DPH7: variants seen among roughly 807,000 people sequenced by gnomAD.
DPH7 encodes the protein diphthamide biosynthesis 7, also known as diphthine methyltransferase.
Under a neutral mutation model 41.7 loss-of-function variants are expected in DPH7, and 44 were observed. That is an observed-to-expected ratio of 1.05 (90% confidence interval 0.83 to 1.36). The LOEUF (loss-of-function observed/expected upper bound fraction) is 1.36, where lower values mean the gene tolerates loss of function less well. DPH7 is among the 40% of genes most tolerant of loss of function. The pLI is 0.00. For synonymous variants in DPH7, 275 were observed against 238.0 expected, an observed-to-expected ratio of 1.16 and a Z score of -1.43; for missense variants, 629 against 577.5, an observed-to-expected ratio of 1.09 and a Z score of -0.91.
At chr9:137,572,332 C>A (rs545743612) in intron 5 of DPH7, among the ~76,000 whole-genome samples, 2 of 152,198 alleles carry the variant, frequency 1.3e-5, no homozygotes, top group East Asian at 1.9e-4. Flanking sequence ...GAGAAGCAGG[C>A]GTGGACCAGA....
intron 5 of DPH7, among the ~76,000 whole-genome samples, chr9:137,572,072 C>T (rs1840528314): frequency 6.6e-6 from 1 of 152,160 alleles, no homozygotes; most frequent in Non-Finnish European, 1.5e-5. Context: ...AATAAGAACG[C>T]CGCCTTACAC....
At chr9:137,563,130 G>A (rs912964339) in intron 8 of DPH7, among the ~76,000 whole-genome samples, 7 of 152,072 alleles carry the variant, frequency 4.6e-5, no homozygotes, top group African/African-American at 7.2e-5. Context: ...GGGTGACAGA[G>A]CAAGACACCA....
At chr9:137,574,629 G>T in intron 4 of DPH7, 123 bp downstream of exon 4, 1 of 972,778 alleles carries the variant, frequency 1.0e-6, no homozygotes, top group Non-Finnish European at 1.6e-6. Flanking sequence ...GACTGGCAGT[G>T]ATGATGTCAG....
intron 8 of DPH7, 78 bp downstream of exon 8, chr9:137,564,356 G>GGCTTC: frequency 2.6e-6 from 4 of 1,520,774 alleles, no homozygotes; most frequent in Non-Finnish European, 3.6e-6. Context: ...AGGGAGCTGA[G>GGCTTC]GGAAGAGCCC....
At position 137,556,893 on chromosome 9, in the gene DPH7, G is replaced by A. The variant is rs550955369; in HGVS notation, c.950-1245C>T. 5.7e-5 allele frequency: 26 copies of A among 456,626 alleles called. No individual in the cohort carries two copies. The highest frequency in any genetic ancestry group is 3.4e-4 in the South Asian group (22 of 64,564). 28.3% of individuals were successfully genotyped at this position (456,626 alleles called of 1,614,324 possible). ...GGAAAAAGACAGCGAATGAGTGGAC[G>A]GAAGACACTGTTGCGACCCCAAGAA... On this transcript the variant is annotated intron_variant, in intron 8 of 8. Transcript: ENST00000277540. The surrounding 1 kb of genome is among the most constrained non-coding windows in gnomAD (Gnocchi z 5.2).
At chr9:137,563,500 C>G (rs1300250248) in intron 8 of DPH7, among the ~76,000 whole-genome samples, 4 of 148,818 alleles carry the variant, frequency 2.7e-5, no homozygotes, top group Non-Finnish European at 5.9e-5. Context: ...CCACTGCACT[C>G]CAGCCTGGGT....
rs751686814 is a variant in DPH7, at chr9:137,576,144, T to C, written c.311A>G (p.His104Arg). 3.3e-5 allele frequency: 54 copies of C among 1,613,714 alleles called. No individual in the cohort carries two copies. Among genetic ancestry groups the C allele is most frequent in the Non-Finnish European group, 4.2e-5 (50 of 1,180,030 alleles). Residue 104 changes from histidine (H) to arginine (R), a missense_variant, in exon 3 of 9, where the codon CAT (histidine) becomes CGT (arginine). His to Arg is a conservative substitution (Grantham distance 29). Transcript: ENST00000277540. ...MKWCHIPVAG[H>R]ALLGLADASG... ...GGCATCTGCCAAGCCCAAGAGGGCA[T>C]GTCCAGCCACCGGGATGTGACACCT...
rs376225258 is a variant in DPH7 at position 137,564,437 on chromosome 9, T to C, written c.946A>G (p.Met316Val). 55 of 1,612,426 alleles carry C rather than the reference T, an allele frequency of 3.4e-5. No individual in the cohort carries two copies. In the East Asian group the frequency reaches 4.0e-4, roughly 12 times the overall value. Residue 316 changes from methionine (M) to valine (V), a missense_variant, in exon 8 of 9, where the codon ATG (methionine) becomes GTG (valine). Met to Val is a conservative substitution (Grantham distance 21, BLOSUM62 1). Transcript: ENST00000277540. The stretch of plus-strand genomic sequence containing the variant: ...GCAGCCACGGGTCCCCACTCACCCA[T>C]TGCCTTTTGGCAGTTGAGGATCTTA... ...GFKILNCQKA[M>V]EERQEATVLT...
chr9:137,564,369 C>A, intron 8 of DPH7, 65 bp downstream of exon 8: 3 of 1,549,520 alleles, frequency 1.9e-6, no homozygotes, highest in South Asian at 1.2e-5. Flanking sequence ...AAGAGCCCAG[C>A]AGAGCGAGGG....
intron 8 of DPH7, 110 bp downstream of exon 8, chr9:137,564,324 G>A: frequency 1.5e-6 from 2 of 1,354,294 alleles, no homozygotes; most frequent in Middle Eastern, 2.7e-4. Flanking sequence ...GCTGAGGGAA[G>A]AGCCCAGCAG....
chr9:137,574,893 C>T, intron 3 of DPH7, 50 bp from the exon 4 acceptor site: 1 of 1,607,026 alleles, frequency 6.2e-7, no homozygotes, highest in Non-Finnish European at 8.5e-7. Flanking sequence ...GCCCCAGAAC[C>T]CCCAAAAGAC....
At chr9:137,572,078 T>C (rs1015511048) in intron 5 of DPH7, among the ~76,000 whole-genome samples, 8 of 152,146 alleles carry the variant, frequency 5.3e-5, no homozygotes, top group African/African-American at 1.9e-4. Flanking sequence ...AACGCCGCCT[T>C]ACACACGTGC....
At chr9:137,557,840 T>C (rs1036157056) in intron 8 of DPH7, among the ~76,000 whole-genome samples, 1 of 142,114 alleles carries the variant, frequency 7.0e-6, no homozygotes, top group African/African-American at 2.6e-5. Context: ...TAAATAAAGT[T>C]ATGAAAAAGG....
rs1210772879 is a variant in DPH7, at chr9:137,554,761, C to T, written c.*478G>A. On this transcript the variant is annotated 3_prime_UTR_variant, in exon 9 of 9. Coordinates refer to ENST00000277540, the MANE Select transcript of DPH7 (RefSeq NM_138778.5). ...TCAGTAGTTTTAATAATATATGCAA[C>T]CCGTCACATGAGTTCAGCTGCGGGA... is the stretch of plus-strand genomic sequence containing the variant. 1 of 153,276 alleles carries T rather than the reference C, an allele frequency of 6.5e-6. No individual in the cohort carries two copies. Among genetic ancestry groups the T allele is most frequent in the African/African-American group, 2.4e-5 (1 of 41,416 alleles). 9.5% of individuals were successfully genotyped at this position (153,276 alleles called of 1,614,324 possible).
chr9:137,564,840 C>G, intron 7 of DPH7, 53 bp downstream of exon 7: 2 of 1,555,996 alleles, frequency 1.3e-6, no homozygotes, highest in Non-Finnish European at 1.7e-6. Context: ...CCAGGAGCCC[C>G]CCGGGGACAG....
intron 1 of DPH7, 85 bp downstream of exon 1, chr9:137,578,540 C>T: frequency 7.4e-7 from 1 of 1,348,556 alleles, no homozygotes; most frequent in Non-Finnish European, 9.6e-7. Context: ...ATCCCCTCTT[C>T]ATCTCCTGGG....
At chr9:137,573,682 C>CAAAA (rs61028786) in intron 5 of DPH7, among the ~76,000 whole-genome samples, 2 of 25,912 alleles carry the variant, frequency 7.7e-5, no homozygotes, top group African/African-American at 1.4e-4. Context: ...GACTCTGTCT[C>CAAAA]AAAAAAAAAA....
chr9:137,576,998 G>A (rs1018752657), intron 2 of DPH7, among the ~76,000 whole-genome samples: 3 of 150,412 alleles, frequency 2.0e-5, no homozygotes, highest in Non-Finnish European at 4.4e-5. Flanking sequence ...AGGCTGCAGT[G>A]AGCTATGATC....
rs762326065 is a variant in DPH7 at position 137,574,311 on chromosome 9, A to G, written c.537T>C (p.Asn179=). 3.7e-6 allele frequency: 6 copies of G among 1,614,098 alleles called. No homozygotes were observed. Among genetic ancestry groups the G allele is most frequent in the Non-Finnish European group, 5.1e-6 (6 of 1,180,044 alleles). ...CTTTCTGCAGCCTGGGCCTCGTCTC[A>G]TTCACCATCAGGAGGTGGAGCTGCC... ...STGQLHLLMV[N]ETRPRLQKVA... Residue 179 remains asparagine (N), a synonymous_variant, in exon 5 of 9, where the codon AAT becomes AAC. Transcript: ENST00000277540.
Sources: allele counts gnomAD v4.1 joint callset (sites outside exome capture counted in the v4.1 genomes callset), GRCh38; gene constraint gnomAD v4.1.1; non-coding constraint Gnocchi (gnomAD v3.1); transcripts MANE v1.5; gene names NCBI Gene and HGNC (gene_info 2026-07-23, HGNC 2026-07-21).